The following NRXN3 variants were observed in gnomAD, a reference collection of about 807,000 sequenced individuals.
NRXN3 encodes neurexin III.
NRXN3 carries 32 observed loss-of-function variants against 137.6 expected under a neutral mutation model. That is an observed-to-expected ratio of 0.23 (90% CI 0.18 to 0.31). The LOEUF (loss-of-function observed/expected upper bound fraction) is 0.31. NRXN3 is among the 10% of genes least tolerant of loss of function. NRXN3 has a pLI of 1.00. For missense variants in NRXN3, 1,574 were observed against 2,062.5 expected (o/e 0.76, Z 4.59); for synonymous variants, 798 against 784.5 (o/e 1.02, Z -0.29).
intron 15 of NRXN3, among the ~76,000 whole-genome samples, chr14:78,999,169 G>C (rs2153102431): frequency 6.6e-6 from 1 of 152,056 alleles, no homozygotes; most frequent in Non-Finnish European, 1.5e-5. Flanking sequence ...TCCTTATTTT[G>C]ATCACCAGGC....
intron 4 of NRXN3, among the ~76,000 whole-genome samples, chr14:78,559,149 A>G (rs1443348845): frequency 6.6e-6 from 1 of 152,180 alleles, no homozygotes; most frequent in Admixed American, 6.5e-5. Flanking sequence ...TATATCTTCA[A>G]TGGCCTTTCC....
chr14:79,765,931 A>G (rs2099054535), intron 19 of NRXN3, among the ~76,000 whole-genome samples: 1 of 152,242 alleles, frequency 6.6e-6, no homozygotes, highest in African/African-American at 2.4e-5. Flanking sequence ...TGCTTTCAAC[A>G]ATAACTCCAC....
At chr14:78,200,361 A>T (rs1017526149) in intron 1 of NRXN3, among the ~76,000 whole-genome samples, 3 of 152,068 alleles carry the variant, frequency 2.0e-5, no homozygotes, top group African/African-American at 7.2e-5. Flanking sequence ...AACTTGGGGG[A>T]TGGGGTTCAT....
intron 16 of NRXN3, among the ~76,000 whole-genome samples, chr14:79,586,679 A>C (rs2097767496): frequency 6.6e-6 from 1 of 152,182 alleles, no homozygotes; most frequent in Admixed American, 6.6e-5. Context: ...GTGCCAACAA[A>C]TTCTACTTTC....
chr14:79,408,131 G>T (rs1476173027), intron 15 of NRXN3, among the ~76,000 whole-genome samples: 1 of 152,126 alleles, frequency 6.6e-6, no homozygotes, highest in Non-Finnish European at 1.5e-5. Context: ...GGCCCAGTTA[G>T]GGGAGCTCCT....
At chr14:79,190,958 A>G (rs1382192563) in intron 15 of NRXN3, among the ~76,000 whole-genome samples, 2 of 152,200 alleles carry the variant, frequency 1.3e-5, no homozygotes, top group African/African-American at 2.4e-5. Context: ...TATGAATCAG[A>G]CGTACACATA....
At chr14:79,470,884 GAGAA>G (rs1234318109) in intron 16 of NRXN3, among the ~76,000 whole-genome samples, 1 of 150,924 alleles carries the variant, frequency 6.6e-6, no homozygotes, top group African/African-American at 2.5e-5. Flanking sequence ...GAGAGAGAGA[GAGAA>G]AGAGAGAGAG....
At chr14:78,387,038 C>T (rs1005461933) in intron 4 of NRXN3, among the ~76,000 whole-genome samples, 1 of 152,104 alleles carries the variant, frequency 6.6e-6, no homozygotes, top group African/African-American at 2.4e-5. Context: ...TCCTCGGCCT[C>T]CCAAAATGCT....
chr14:79,134,059 G>A (rs997158080), intron 15 of NRXN3, among the ~76,000 whole-genome samples: 1 of 152,054 alleles, frequency 6.6e-6, no homozygotes, highest in Non-Finnish European at 1.5e-5. Context: ...GAATGCTTGT[G>A]TGCCTTCAAA....
chr14:78,758,831 A>G (rs1302311166), intron 8 of NRXN3, among the ~76,000 whole-genome samples: 2 of 152,208 alleles, frequency 1.3e-5, no homozygotes, highest in African/African-American at 4.8e-5. Flanking sequence ...GCAATATCTT[A>G]CCTTAGCTGA....
chr14:78,609,104 C>T (rs1162275968), intron 4 of NRXN3, among the ~76,000 whole-genome samples: 3 of 152,030 alleles, frequency 2.0e-5, no homozygotes, highest in Non-Finnish European at 4.4e-5. Context: ...ATCAGAAAGA[C>T]TTTGAATAGC....
At chr14:78,173,986 C>T (rs1305983573) in intron 1 of NRXN3, among the ~76,000 whole-genome samples, 4 of 152,032 alleles carry the variant, frequency 2.6e-5, no homozygotes, top group African/African-American at 7.2e-5. Context: ...TTTTCCTCTC[C>T]GCAACCGCGG....
intron 15 of NRXN3, among the ~76,000 whole-genome samples, chr14:79,351,695 A>G (rs1441165107): frequency 6.6e-6 from 1 of 152,176 alleles, no homozygotes. Flanking sequence ...GTGATAACTG[A>G]TGGTGTGATC....
intron 19 of NRXN3, among the ~76,000 whole-genome samples, chr14:79,769,182 A>C (rs2099067640): frequency 6.7e-6 from 1 of 148,528 alleles, no homozygotes; most frequent in East Asian, 2.0e-4. Flanking sequence ...GAATGGAACC[A>C]AGTTGGAAAA....
chr14:79,752,515 A>G (rs2099001768), intron 19 of NRXN3, among the ~76,000 whole-genome samples: 2 of 152,212 alleles, frequency 1.3e-5, no homozygotes, highest in African/African-American at 4.8e-5. Flanking sequence ...GGCTAGCCAT[A>G]TGCAGAAAGC....
intron 1 of NRXN3, among the ~76,000 whole-genome samples, chr14:78,187,503 G>A (rs145153297): frequency 2.6e-4 from 39 of 152,180 alleles, no homozygotes; most frequent in African/African-American, 8.2e-4. Flanking sequence ...CTAGTAGTTG[G>A]TGCAGCCAGG....
intron 4 of NRXN3, among the ~76,000 whole-genome samples, chr14:78,531,001 T>G (rs566057702): frequency 1.3e-5 from 2 of 152,246 alleles, no homozygotes; most frequent in Non-Finnish European, 2.9e-5. Context: ...TCTCCTGGAC[T>G]CTGTAAGTAG....
At chr14:78,203,803 GGTGTGTGTGTGTGT>G (rs3059003) in intron 1 of NRXN3, among the ~76,000 whole-genome samples, 1 of 134,046 alleles carries the variant, frequency 7.5e-6, no homozygotes, top group East Asian at 2.2e-4. Context: ...GATCCTTCCA[GGTGTGTGTGTGTGT>G]GTGTGTGTGT....
At chr14:78,631,323 T>C (rs2097521007) in intron 4 of NRXN3, among the ~76,000 whole-genome samples, 1 of 152,248 alleles carries the variant, frequency 6.6e-6, no homozygotes, top group Non-Finnish European at 1.5e-5. Context: ...CTTTTCTTTG[T>C]TCTGATTCAT....
Sources: allele counts gnomAD v4.1 joint callset (sites outside exome capture counted in the v4.1 genomes callset), GRCh38; gene constraint gnomAD v4.1.1; transcripts MANE v1.5; gene names NCBI Gene and HGNC (gene_info 2026-07-23, HGNC 2026-07-21).